The following ZNF518A variants were observed in gnomAD, a reference collection of about 807,000 sequenced individuals.
ZNF518A encodes zinc finger protein 518.
In ZNF518A, 47 loss-of-function variants were observed where a neutral mutation model predicts 102.7. That is an observed-to-expected ratio of 0.46 (90% CI 0.36 to 0.58). ZNF518A has a LOEUF of 0.58. ZNF518A is among the 20% of genes least tolerant of loss of function. The probability of loss-of-function intolerance (pLI) is 0.00; values close to 1 mark genes in which losing one functional copy is unlikely to be tolerated. For missense variants in ZNF518A, 1,793 were observed against 1,699.8 expected (o/e 1.05, Z -0.96); for synonymous variants, 652 against 594.6 (o/e 1.10, Z -1.40).
At chr10:96,174,960 C>G (rs2083194746) in intron 1 of ZNF518A, among the ~76,000 whole-genome samples, 1 of 152,058 alleles carries the variant, frequency 6.6e-6, no homozygotes, top group Non-Finnish European at 1.5e-5. Context: ...GAGTAAGGGA[C>G]AGCATAATTT....
In ZNF518A at chr10:96,192,096, G is replaced by A. The variant is rs372130465; in HGVS notation, n.36-11478G>A. 43 of 1,613,364 alleles carry A rather than the reference G, an allele frequency of 2.7e-5. No individual in the cohort carries two copies. The Middle Eastern group carries it at 4.9e-4, about 19-fold the overall frequency. On this transcript the variant is annotated intron_variant and non_coding_transcript_variant, in intron 1 of 2. Coordinates refer to the ZNF518A transcript ENST00000442635. ...TTTCAGCAACACTTCCAAAGTACTA[G>A]AGGAAGAAAACATAGATGAATTATA...
chr10:96,148,190 A>G (rs1340255732), intron 3 of ZNF518A, among the ~76,000 whole-genome samples: 4 of 152,212 alleles, frequency 2.6e-5, no homozygotes, highest in Non-Finnish European at 5.9e-5. Context: ...CTGTAATCCC[A>G]GCACTTTGGG....
intron 2 of ZNF518A, chr10:96,132,908 C>T (rs1326350653): frequency 6.6e-6 from 1 of 151,642 alleles, no homozygotes; most frequent in African/African-American, 2.4e-5. Context: ...CTCTAAAATC[C>T]TAAAAAAGAA....
chr10:96,179,787 T>TTCCTCC (rs782467070), intron 1 of ZNF518A, among the ~76,000 whole-genome samples: 2 of 151,556 alleles, frequency 1.3e-5, no homozygotes, highest in South Asian at 2.1e-4. Flanking sequence ...CCTTTTCTTC[T>TTCCTCC]TCCTCCTCCT....
chr10:96,197,822 A>G (rs1301106764), intron 1 of ZNF518A, among the ~76,000 whole-genome samples: 2 of 151,880 alleles, frequency 1.3e-5, no homozygotes, highest in African/African-American at 4.8e-5. Context: ...AGGCTGAGGC[A>G]GAAGAATGGC....
At chr10:96,130,245 T>C (rs782607263), upstream of ZNF518A, 8 of 152,492 alleles carry the variant, frequency 5.2e-5, no homozygotes, top group Non-Finnish European at 7.3e-5. Context: ...GATCCGCCTC[T>C]TGTGAGAGGA....
chr10:96,167,411 G>A (rs1198913057), downstream of ZNF518A, among the ~76,000 whole-genome samples: 8 of 152,186 alleles, frequency 5.3e-5, no homozygotes, highest in East Asian at 1.9e-4. Context: ...CCGAGATTGC[G>A]CCATTGCTGT....
At chr10:96,137,939 C>T (rs2081692249) in intron 3 of ZNF518A, among the ~76,000 whole-genome samples, 2 of 152,152 alleles carry the variant, frequency 1.3e-5, no homozygotes, top group Non-Finnish European at 2.9e-5. Flanking sequence ...TTTCCTATTA[C>T]TTTAACAATC....
In ZNF518A at chr10:96,156,492, T is replaced by C. The variant is rs1554882476; in HGVS notation, c.170T>C (p.Ile57Thr). 6.2e-7 allele frequency: 1 copy of C among 1,610,864 alleles called. No homozygotes were observed. The highest frequency in any genetic ancestry group is 8.5e-7 in the Non-Finnish European group (1 of 1,179,110). The change falls in exon 6 of 6, where the codon ATT becomes ACT. Residue 57 changes from isoleucine (I) to threonine (T), a missense_variant. Transcript: ENST00000316045. The stretch of plus-strand genomic sequence containing the variant: ...AAAATTGATTTGCCAAAAATAAATA[T>C]TCCAAATGAAGTCCTATTGAAACAT... ...NVKIDLPKIN[I>T]PNEVLLKHEV...
rs1053941213 is a variant in ZNF518A, at chr10:96,200,234, C to T, written n.36-3340C>T. ...AATTTCTGTGTACTAGAAACAAAGA[C>T]CCATTTGCATTATCAAGACAGGCCT... On this transcript the variant is annotated intron_variant and non_coding_transcript_variant, in intron 1 of 2. Transcript: ENST00000442635. This position sits in a 1 kb window ranked among gnomAD's most constrained non-coding sequence, Gnocchi z 4.3. The T allele has an allele frequency of 3.6e-5, 44 of 1,215,794 alleles. No homozygotes were observed. In the Admixed American group the frequency reaches 7.3e-4, roughly 20 times the overall value. 75.3% of individuals were successfully genotyped at this position (1,215,794 alleles called of 1,614,324 possible).
At chr10:96,204,289 G>A (rs115705495), downstream of ZNF518A, 3,790 of 729,950 alleles carry the variant, frequency 5.2e-3, 18 homozygotes, top group Middle Eastern at 0.013. Flanking sequence ...GAAAAAGGAG[G>A]AAATCTTGAC....
At chr10:96,130,814 T>C (rs2142172352) in intron 1 of ZNF518A, 62 bp downstream of exon 1, 1 of 152,446 alleles carries the variant, frequency 6.6e-6, no homozygotes, top group South Asian at 2.1e-4. Flanking sequence ...GTAACTGGCT[T>C]TCTCACATGT....
At chr10:96,135,204 G>A (rs1236275149) in intron 3 of ZNF518A, 1 of 152,236 alleles carries the variant, frequency 6.6e-6, no homozygotes, top group Non-Finnish European at 1.5e-5. Context: ...TGTATGAAAA[G>A]CGCATCTGTG....
At chr10:96,176,852 G>T (rs1346784502) in intron 1 of ZNF518A, among the ~76,000 whole-genome samples, 1 of 152,124 alleles carries the variant, frequency 6.6e-6, no homozygotes, top group Admixed American at 6.6e-5. Context: ...AGCTGAGATC[G>T]TGCCACTGCA....
intron 1 of ZNF518A, among the ~76,000 whole-genome samples, chr10:96,197,521 G>T (rs1383018048): frequency 2.0e-5 from 3 of 152,078 alleles, no homozygotes; most frequent in Non-Finnish European, 4.4e-5. Context: ...ATAAAATTTA[G>T]AAATATGTGA....
chr10:96,152,192 A>G (rs2082480709), intron 3 of ZNF518A, among the ~76,000 whole-genome samples: 1 of 152,172 alleles, frequency 6.6e-6, no homozygotes. Flanking sequence ...GTATACCTGT[A>G]GTCCCTGTTA....
In ZNF518A at chr10:96,160,081, A is replaced by T. The variant is rs1554886825; in HGVS notation, c.3759A>T (p.Lys1253Asn). 5.6e-6 allele frequency: 9 copies of T among 1,608,372 alleles called. No homozygotes were observed. The highest frequency in any genetic ancestry group is 6.8e-6 in the Non-Finnish European group (8 of 1,178,614). The change falls in exon 6 of 6, where the codon AAA becomes AAT. Residue 1253 changes from lysine to asparagine, a missense_variant. By Grantham distance (94) the Lys-to-Asn change is moderately conservative. Transcript: ENST00000316045. ...TCAATAGAAAAAAGACTTCCAAAAA[A>T]ATTTTTTCAAAAACAAAAACTCATG... ...RNFNRKKTSKKIFSKTKTHGS... is the reference protein window; with the variant it reads ...RNFNRKKTSKNIFSKTKTHGS...
Position 96,130,416 on chromosome 10 carries a change from C to T in ZNF518A, c.-789C>T, listed in dbSNP as rs181435409. On this transcript the variant is annotated 5_prime_UTR_variant, in exon 1 of 6. Coordinates refer to ENST00000316045, the MANE Select transcript of ZNF518A (RefSeq NM_001330736.2). The stretch of plus-strand genomic sequence containing the variant: ...TTGTTTTACTTCCGGGCTTTTTGAA[C>T]TCTACACTCTCCTACATTCTAGGAG... Among the ~76,000 whole-genome samples the T allele has an allele frequency of 3.3e-5, 5 of 152,334 alleles. No homozygotes were observed. The highest frequency in any genetic ancestry group is 3.3e-4 in the Admixed American group (5 of 15,310).
intron 3 of ZNF518A, among the ~76,000 whole-genome samples, chr10:96,148,828 G>C (rs1388591098): frequency 6.6e-6 from 1 of 152,188 alleles, no homozygotes; most frequent in East Asian, 1.9e-4. Flanking sequence ...CCATTCTCCT[G>C]CCTCAGCCTC....
Sources: gnomAD v4.1 joint callset for allele counts (sites outside exome capture counted in the v4.1 genomes callset) on GRCh38, gnomAD v4.1.1 for gene constraint, Gnocchi (gnomAD v3.1) non-coding constraint, MANE v1.5 for transcripts, NCBI Gene and HGNC (gene_info 2026-07-23, HGNC 2026-07-21) for gene names.